The following DRGX variants were observed in gnomAD, a reference collection of about 807,000 sequenced individuals.
DRGX encodes dorsal root ganglia homeobox.
A neutral mutation model predicts 28.6 loss-of-function variants in DRGX; 21 were observed. The observed-to-expected ratio is 0.73, with a 90% CI of 0.52 to 1.06. The LOEUF (loss-of-function observed/expected upper bound fraction) is 1.06. Ranked by LOEUF, DRGX falls within the 50% of genes least tolerant of loss-of-function variation. The pLI, the probability that DRGX is intolerant of heterozygous loss-of-function variation, is 0.00. For missense variants in DRGX, 354 were observed against 343.9 expected (o/e 1.03, Z -0.23); for synonymous variants, 136 against 139.1 (o/e 0.98, Z 0.16).
intron 1 of DRGX, 65 bp from the exon 2 acceptor site, chr10:49,395,586 G>A (rs1436030473): frequency 1.1e-6 from 1 of 921,104 alleles, no homozygotes; most frequent in African/African-American, 1.6e-5. Context: ...CAGCCCTAGG[G>A]CGCACCCGGC....
intron 6 of DRGX, among the ~76,000 whole-genome samples, chr10:49,368,396 T>G (rs1289848685): frequency 1.3e-5 from 2 of 152,216 alleles, no homozygotes; most frequent in Admixed American, 6.5e-5. Context: ...GCAAGGGAGC[T>G]CTGAGACCAG....
At chr10:49,381,969 C>A (rs774394658) in intron 6 of DRGX, among the ~76,000 whole-genome samples, 1 of 152,106 alleles carries the variant, frequency 6.6e-6, no homozygotes, top group Non-Finnish European at 1.5e-5. Context: ...CAAGCTGCCA[C>A]GGGCTTGGAG....
intron 6 of DRGX, among the ~76,000 whole-genome samples, chr10:49,372,365 G>A (rs1849669844): frequency 6.6e-6 from 1 of 152,226 alleles, no homozygotes; most frequent in African/African-American, 2.4e-5. Flanking sequence ...GCAGAAGAAG[G>A]TGATCAAAAG....
intron 6 of DRGX, among the ~76,000 whole-genome samples, chr10:49,379,125 T>G (rs572918134): frequency 3.2e-4 from 48 of 152,242 alleles, no homozygotes; most frequent in African/African-American, 1.1e-3. Context: ...CCAAAAAAAA[T>G]GCAAAATCAG....
chr10:49,392,063 G>A (rs1288237987), intron 2 of DRGX, among the ~76,000 whole-genome samples: 5 of 152,192 alleles, frequency 3.3e-5, no homozygotes, highest in East Asian at 1.9e-4. Context: ...CGTTATAAAC[G>A]CAGAACAGAG....
chr10:49,372,785 T>C (rs1318215812), intron 6 of DRGX, among the ~76,000 whole-genome samples: 2 of 152,224 alleles, frequency 1.3e-5, no homozygotes, highest in East Asian at 1.9e-4. Context: ...TACCCTGCCA[T>C]TGGCACAAGC....
intron 6 of DRGX, among the ~76,000 whole-genome samples, chr10:49,383,758 C>A (rs148984250): frequency 2.0e-5 from 3 of 152,206 alleles, no homozygotes; most frequent in Non-Finnish European, 4.4e-5. Context: ...CCACAAGGAG[C>A]AGTCAGCAGC....
rs747258734 is a variant in DRGX at position 49,386,785 on chromosome 10, TTGGCTCC to T, written c.301_307del (p.Gly101ArgfsTer7). On this transcript the variant is annotated frameshift_variant, in exon 5 of 7. Coordinates refer to ENST00000374139, the MANE Select transcript of DRGX (RefSeq NM_001276451.2). LOFTEE classifies it high-confidence loss of function. Reference sequence around the variant, plus strand: ...AGGTGTCACCTCTGCCATGGGCTCCTTGGCTCCTGGCTCCTGGTCTGAGGCCCCTCTC... The same window carrying T: ...AGGTGTCACCTCTGCCATGGGCTCCTTGGCTCCTGGTCTGAGGCCCCTCTC... 6.2e-7 allele frequency: 1 copy of T among 1,610,152 alleles called. No individual in the cohort carries two copies. Among genetic ancestry groups the T allele is most frequent in the Non-Finnish European group, 8.5e-7 (1 of 1,178,226 alleles).
rs116667527 is a variant in DRGX, at chr10:49,377,986, G to A, written c.526+8492C>T. Among the ~76,000 whole-genome samples, 897 of 152,162 alleles carry A rather than the reference G, an allele frequency of 5.9e-3. 10 individuals carry two copies. Among genetic ancestry groups the A allele is most frequent in the African/African-American group, 0.02 (846 of 41,486 alleles). ...AGAAAACATTAGCAAACCAAATTCA[G>A]TAATATGTAAAAAGAATAGCATGTC... On this transcript the variant is annotated intron_variant, in intron 6 of 6. Transcript: ENST00000374139.
chr10:49,382,569 T>TG (rs1324395954), intron 6 of DRGX, among the ~76,000 whole-genome samples: 1 of 152,140 alleles, frequency 6.6e-6, no homozygotes, highest in Non-Finnish European at 1.5e-5. Context: ...AGGCCTAGAT[T>TG]GGGCTGTGTG....
In DRGX at chr10:49,386,660, C is replaced by T. The variant is rs747086298; in HGVS notation, c.413+20G>A. 1.3e-6 allele frequency: 2 copies of T among 1,571,296 alleles called. No homozygotes were observed. Among genetic ancestry groups the T allele is most frequent in the East Asian group, 4.5e-5 (2 of 44,398 alleles). On this transcript the variant is annotated intron_variant, in intron 5 of 6. Transcript: ENST00000374139. The stretch of plus-strand genomic sequence containing the variant: ...CAGTGCTGCCCATGGCCCACCGGGC[C>T]CAGAGACCCACAGCCTCACCTCTGC...
At chr10:49,392,317 G>A (rs1214757576) in intron 2 of DRGX, among the ~76,000 whole-genome samples, 1 of 152,184 alleles carries the variant, frequency 6.6e-6, no homozygotes, top group Non-Finnish European at 1.5e-5. Context: ...TTAAAATTCT[G>A]TCTACTAGAG....
chr10:49,395,509 T>C lies in DRGX; in HGVS notation c.-69A>G. ...GGCAGCAGAACGGACCCGCGCGCGT[T>C]GCTCCTGCCTGGCTGCAAAGCAAAC... On this transcript the variant is annotated 5_prime_UTR_variant, in exon 2 of 7. Transcript: ENST00000374139. 1 of 1,513,074 alleles carries C rather than the reference T, an allele frequency of 6.6e-7. No homozygotes were observed. The highest frequency in any genetic ancestry group is 9.0e-7 in the Non-Finnish European group (1 of 1,115,704). The allele number at this position is 1,513,074 out of a possible 1,614,324, so 93.7% of individuals were successfully genotyped here.
At chr10:49,382,228 C>T (rs931472253) in intron 6 of DRGX, among the ~76,000 whole-genome samples, 7 of 152,170 alleles carry the variant, frequency 4.6e-5, no homozygotes, top group Admixed American at 1.3e-4. Context: ...ACATCAGGAA[C>T]CTGAGGACAG....
Position 49,366,031 on chromosome 10 carries a change from T to G in DRGX, c.*85A>C. ...GGCCCTGGGGCCGCAGGCTTCTCCT[T>G]GCTATTTGGAGAGTTTTCTGTAGGG... On this transcript the variant is annotated 3_prime_UTR_variant, in exon 7 of 7. Coordinates refer to ENST00000374139, the MANE Select transcript of DRGX (RefSeq NM_001276451.2). 2 of 1,442,550 alleles carry G rather than the reference T, an allele frequency of 1.4e-6. No individual in the cohort carries two copies. Among genetic ancestry groups the G allele is most frequent in the East Asian group, 2.4e-5 (1 of 41,790 alleles). 89.4% of individuals were successfully genotyped at this position (1,442,550 alleles called of 1,614,324 possible). A position where few individuals can be genotyped will look rare whatever the true frequency, so the allele number is the denominator to read the frequency against.
chr10:49,372,179 T>C (rs1309763536), intron 6 of DRGX, among the ~76,000 whole-genome samples: 2 of 152,194 alleles, frequency 1.3e-5, no homozygotes, highest in African/African-American at 4.8e-5. Flanking sequence ...CTATTAGTCA[T>C]GGGGCCACTG....
At chr10:49,390,058 T>C (rs1394392266) in intron 4 of DRGX, 75 bp downstream of exon 4, 2 of 1,395,958 alleles carry the variant, frequency 1.4e-6, no homozygotes, top group Non-Finnish European at 1.9e-6. Context: ...AAATGTGCAC[T>C]CTGCAGTCAT....
intron 6 of DRGX, among the ~76,000 whole-genome samples, chr10:49,372,936 C>T (rs903753701): frequency 6.6e-6 from 1 of 152,182 alleles, no homozygotes; most frequent in Admixed American, 6.5e-5. Flanking sequence ...GATTTCTAGA[C>T]ATGGGACTCT....
rs781071913 is a variant in DRGX, at chr10:49,366,099, C to T, written c.*17G>A. 2.7e-5 allele frequency: 41 copies of T among 1,528,754 alleles called. No homozygotes were observed. Among genetic ancestry groups the T allele is most frequent in the African/African-American group, 2.3e-4 (17 of 72,784 alleles). The allele number at this position is 1,528,754 out of a possible 1,614,324, so 94.7% of individuals were successfully genotyped here. On this transcript the variant is annotated 3_prime_UTR_variant, in exon 7 of 7. Transcript: ENST00000374139. ...GAGGGGCGGGGGAGGGCAGGCCGGG[C>T]GGGGCACTGTGGACCCTCATACACT...
Sources: gnomAD v4.1 joint callset for allele counts (sites outside exome capture counted in the v4.1 genomes callset) on GRCh38, gnomAD v4.1.1 for gene constraint, MANE v1.5 for transcripts, NCBI Gene and HGNC (gene_info 2026-07-23, HGNC 2026-07-21) for gene names.